Variants in CAB39 observed in about 807,000 individuals in gnomAD.
CAB39 encodes the protein calcium binding protein 39.
Under a neutral mutation model 40.0 loss-of-function variants are expected in CAB39, and 8 were observed. That is an observed-to-expected ratio of 0.20 (90% confidence interval 0.12 to 0.36). CAB39 has a LOEUF of 0.36. Ranked by LOEUF, CAB39 falls within the 10% of genes least tolerant of loss-of-function variation. CAB39 has a pLI of 1.00. For missense variants in CAB39, 270 were observed against 401.1 expected, an observed-to-expected ratio of 0.67 and a Z score of 2.79; for synonymous variants, 156 against 141.6, an observed-to-expected ratio of 1.10 and a Z score of -0.72.
chr2:230,736,881 G>A (rs1230098168), intron 1 of CAB39, among the ~76,000 whole-genome samples: 1 of 152,182 alleles, frequency 6.6e-6, no homozygotes, highest in African/African-American at 2.4e-5. Flanking sequence ...AGCTGTGGAA[G>A]TGGCCCTTTA....
chr2:230,756,955 T>C (rs1011064113), intron 1 of CAB39, among the ~76,000 whole-genome samples: 13 of 152,174 alleles, frequency 8.5e-5, no homozygotes, highest in African/African-American at 2.7e-4. Flanking sequence ...CCTCCCAAAG[T>C]GCTGGGATTA....
intron 3 of CAB39, among the ~76,000 whole-genome samples, chr2:230,791,903 G>T (rs575071794): frequency 2.0e-5 from 3 of 152,318 alleles, no homozygotes; most frequent in African/African-American, 7.2e-5. Flanking sequence ...GCATGGCCAT[G>T]CCTCTTTAAC....
chr2:230,811,842 G>A (rs1250234808), intron 6 of CAB39, among the ~76,000 whole-genome samples: 3 of 152,220 alleles, frequency 2.0e-5, no homozygotes, highest in East Asian at 3.8e-4. Context: ...CAGACTAGCT[G>A]ATTTCCAAGA....
At chr2:230,780,460 A>G (rs1452391732) in intron 2 of CAB39, among the ~76,000 whole-genome samples, 1 of 152,208 alleles carries the variant, frequency 6.6e-6, no homozygotes, top group East Asian at 1.9e-4. Context: ...CACACGTTAC[A>G]TGTAAGGAGT....
chr2:230,755,991 C>T (rs1695182721), intron 1 of CAB39, among the ~76,000 whole-genome samples: 1 of 152,202 alleles, frequency 6.6e-6, no homozygotes. Context: ...TCACAGAGCA[C>T]TCTGAATGGC....
chr2:230,733,383 GTAGT>G (rs1694729910), intron 1 of CAB39, among the ~76,000 whole-genome samples: 1 of 152,016 alleles, frequency 6.6e-6, no homozygotes, highest in African/African-American at 2.4e-5. Flanking sequence ...TACCCCCAAG[GTAGT>G]TTGATTCTCA....
At chr2:230,753,339 C>T (rs1228697609) in intron 1 of CAB39, among the ~76,000 whole-genome samples, 3 of 152,198 alleles carry the variant, frequency 2.0e-5, no homozygotes, top group Non-Finnish European at 4.4e-5. Context: ...CAGAAGGAAG[C>T]CTGTCCCCAT....
chr2:230,738,494 TGTG>T (rs1226918248), intron 1 of CAB39, among the ~76,000 whole-genome samples: 1 of 152,224 alleles, frequency 6.6e-6, no homozygotes, highest in African/African-American at 2.4e-5. Flanking sequence ...AGTGTGTTGA[TGTG>T]GAGGAGTGGA....
intron 1 of CAB39, among the ~76,000 whole-genome samples, chr2:230,735,724 A>G (rs1382695812): frequency 6.6e-6 from 1 of 152,014 alleles, no homozygotes; most frequent in African/African-American, 2.4e-5. Flanking sequence ...TGTGGTGCCC[A>G]GGCTGGTCTT....
At chr2:230,723,725 T>C (rs1262721950) in intron 1 of CAB39, among the ~76,000 whole-genome samples, 1 of 152,218 alleles carries the variant, frequency 6.6e-6, no homozygotes, top group African/African-American at 2.4e-5. Context: ...ACTCAGCGTA[T>C]GTCTTGCCCT....
chr2:230,718,276 G>A (rs1694387769), intron 1 of CAB39, among the ~76,000 whole-genome samples: 1 of 152,174 alleles, frequency 6.6e-6, no homozygotes, highest in Non-Finnish European at 1.5e-5. Flanking sequence ...TTCCTACTTT[G>A]TGATCTTGTC....
At chr2:230,724,211 C>G (rs1694509280) in intron 1 of CAB39, among the ~76,000 whole-genome samples, 1 of 149,778 alleles carries the variant, frequency 6.7e-6, no homozygotes, top group African/African-American at 2.5e-5. Context: ...TGCGCCACTG[C>G]ACTCCAGCCT....
intron 1 of CAB39, chr2:230,725,378 T>C (rs1253657925): frequency 1.9e-6 from 3 of 1,599,986 alleles, no homozygotes; most frequent in Non-Finnish European, 2.6e-6. Flanking sequence ...TGCCACGAAG[T>C]CTCGGTGCTT....
At chr2:230,813,131 A>G (rs1014204321) in intron 6 of CAB39, among the ~76,000 whole-genome samples, 1 of 152,258 alleles carries the variant, frequency 6.6e-6, no homozygotes, top group Non-Finnish European at 1.5e-5. Context: ...GCAGACTTTC[A>G]GAATGTTTTA....
At chr2:230,801,539 C>A (rs1696089751) in intron 5 of CAB39, among the ~76,000 whole-genome samples, 1 of 152,140 alleles carries the variant, frequency 6.6e-6, no homozygotes, top group African/African-American at 2.4e-5. Flanking sequence ...GTGGCTCATC[C>A]ATAGCCCTGG....
chr2:230,721,586 C>G (rs954327348), intron 1 of CAB39, among the ~76,000 whole-genome samples: 1 of 152,180 alleles, frequency 6.6e-6, no homozygotes, highest in African/African-American at 2.4e-5. Context: ...ATCCCCTTTT[C>G]GCAGATAAGT....
chr2:230,759,018 C>G (rs1695243359), intron 1 of CAB39, among the ~76,000 whole-genome samples: 1 of 152,122 alleles, frequency 6.6e-6, no homozygotes, highest in Non-Finnish European at 1.5e-5. Context: ...TGATGTAATA[C>G]TGTGGTTTAT....
intron 1 of CAB39, among the ~76,000 whole-genome samples, chr2:230,739,915 C>A (rs1694847783): frequency 6.6e-6 from 1 of 152,188 alleles, no homozygotes. Context: ...GATTTTAAAT[C>A]TTCTACTAAC....
chr2:230,788,617 T>A (rs1303807180), intron 2 of CAB39, among the ~76,000 whole-genome samples: 1 of 152,238 alleles, frequency 6.6e-6, no homozygotes, highest in Non-Finnish European at 1.5e-5. Context: ...TTTCTACTTT[T>A]CTGTGTCTCA....
Sources: gnomAD v4.1 joint callset for allele counts (sites outside exome capture counted in the v4.1 genomes callset) on GRCh38, gnomAD v4.1.1 for gene constraint, MANE v1.5 for transcripts, NCBI Gene and HGNC (gene_info 2026-07-23, HGNC 2026-07-21) for gene names.